SMG1: variants seen among roughly 807,000 people sequenced by gnomAD.
SMG1 encodes serine/threonine-protein kinase SMG1.
Under a neutral mutation model 419.9 loss-of-function variants are expected in SMG1, and 22 were observed. The observed-to-expected ratio is 0.05, with a 90% CI of 0.04 to 0.07. The LOEUF (loss-of-function observed/expected upper bound fraction) is 0.07. Ranked by LOEUF, SMG1 falls within the 10% of genes least tolerant of loss-of-function variation. The pLI, the probability that SMG1 is intolerant of heterozygous loss-of-function variation, is 1.00. For synonymous variants in SMG1, 1,538 were observed against 1,553.5 expected (o/e 0.99, Z 0.23); for missense variants, 3,185 against 4,342.0 (o/e 0.73, Z 7.49).
At chr16:18,816,702 T>C (rs2032032926) in intron 57 of SMG1, among the ~76,000 whole-genome samples, 173 bp from the exon 58 acceptor site, 1 of 152,246 alleles carries the variant, frequency 6.6e-6, no homozygotes, top group South Asian at 2.1e-4. Context: ...CAATAATCTA[T>C]GAAATATAGA....
chr16:18,893,260 C>T (rs1412905457), intron 3 of SMG1, among the ~76,000 whole-genome samples: 2 of 152,164 alleles, frequency 1.3e-5, no homozygotes, highest in Admixed American at 6.5e-5. Context: ...ACTTTTCTCC[C>T]CTTATTTTTT....
At chr16:18,874,624 G>C (rs1458432748) in intron 13 of SMG1, among the ~76,000 whole-genome samples, 1 of 148,404 alleles carries the variant, frequency 6.7e-6, no homozygotes, top group East Asian at 2.0e-4. Flanking sequence ...CCAGCACTTT[G>C]GGAGGCTGAG....
At chr16:18,899,144 C>T (rs1330747909) in intron 1 of SMG1, among the ~76,000 whole-genome samples, 1 of 152,194 alleles carries the variant, frequency 6.6e-6, no homozygotes, top group East Asian at 1.9e-4. Context: ...TGAATATAAT[C>T]AAGACAAGTT....
intron 16 of SMG1, 30 bp from the exon 17 acceptor site, chr16:18,870,918 A>T: frequency 1.9e-6 from 2 of 1,076,368 alleles, no homozygotes; most frequent in East Asian, 5.2e-5. Context: ...AGTTACTTTC[A>T]GCTGGCCAAA....
At chr16:18,810,426 G>A (rs930521566) in intron 62 of SMG1, among the ~76,000 whole-genome samples, 1 of 152,208 alleles carries the variant, frequency 6.6e-6, no homozygotes, top group African/African-American at 2.4e-5. Flanking sequence ...AAAGGCTCAG[G>A]AACTGTTCTA....
Position 18,839,725 on chromosome 16 carries a change from T to A in SMG1, c.6918A>T (p.Thr2306=), listed in dbSNP as rs761478113. The A allele has an allele frequency of 6.2e-7, 1 of 1,613,972 alleles. No homozygotes were observed. Among genetic ancestry groups the A allele is most frequent in the South Asian group, 1.1e-5 (1 of 91,084 alleles). The change falls in exon 42 of 63, where the codon ACA becomes ACT. Residue 2306 remains threonine, a synonymous_variant. Coordinates refer to ENST00000446231, the MANE Select transcript of SMG1 (RefSeq NM_015092.5). ...GCGTAACTCTCCACCATTCATCAGGTGTTGTGCAAGATGACCAGAGCTCTT... is the reference window on the plus strand; with the variant it reads ...GCGTAACTCTCCACCATTCATCAGGAGTTGTGCAAGATGACCAGAGCTCTT... ...LAKELWSSCT[T]PDEWWRVTQS...
chr16:18,878,746 ACCTATAAT>A (rs2036256866), intron 11 of SMG1: 1 of 152,356 alleles, frequency 6.6e-6, no homozygotes, highest in African/African-American at 2.4e-5. Flanking sequence ...AGTGGCTCAT[ACCTATAAT>A]CCCAGTACTT....
chr16:18,865,361 G>A (rs1210307482), intron 23 of SMG1, among the ~76,000 whole-genome samples: 2 of 152,124 alleles, frequency 1.3e-5, no homozygotes, highest in Non-Finnish European at 2.9e-5. Flanking sequence ...ATGAAGGGAA[G>A]GGGGTACTCT....
Position 18,858,244 on chromosome 16 carries a change from T to A in SMG1, c.4160A>T (p.Gln1387Leu). Residue 1387 changes from glutamine (Q) to leucine (L), a missense_variant, in exon 29 of 63, where the codon CAG (glutamine) becomes CTG (leucine). By Grantham distance (113) the Gln-to-Leu change is moderately radical. Transcript: ENST00000446231. ...CTGCATCCATGGCCTCACGTCATGC[T>A]GTTTACATGAACGTAAAGCTTCACT... Reference protein sequence around the residue: ...LFSEALRSCKQHDVRPWMQAL... With the variant: ...LFSEALRSCKLHDVRPWMQAL... The A allele has an allele frequency of 6.2e-7, 1 of 1,610,148 alleles. No individual in the cohort carries two copies. Among genetic ancestry groups the A allele is most frequent in the African/African-American group, 1.3e-5 (1 of 74,876 alleles).
chr16:18,818,673 G>A (rs1368916964), intron 56 of SMG1, among the ~76,000 whole-genome samples: 2 of 152,164 alleles, frequency 1.3e-5, no homozygotes, highest in African/African-American at 2.4e-5. Flanking sequence ...GACTTAAGTT[G>A]ATCATTATTA....
rs2037832455 is a variant in SMG1, at chr16:18,912,484, T to G, written c.92+13466A>C. ...ATTACGTTGTACCCTATGTGTACAA[T>G]TATGATTTTTGAATTAATATTAGAG... On this transcript the variant is annotated intron_variant, in intron 1 of 62. Transcript: ENST00000446231. 2.0e-5 allele frequency among the ~76,000 whole-genome samples: 3 copies of G among 152,086 alleles called. No homozygotes were observed. In the South Asian group the frequency reaches 6.2e-4, roughly 31 times the overall value.
chr16:18,817,614 C>A, intron 56 of SMG1, 144 bp from the exon 57 acceptor site: 1 of 660,174 alleles, frequency 1.5e-6, no homozygotes, highest in Non-Finnish European at 2.5e-6. Context: ...GGGAAATAGA[C>A]CAAAACCTTA....
intron 42 of SMG1, among the ~76,000 whole-genome samples, chr16:18,839,133 A>C (rs1201195060): frequency 1.3e-5 from 2 of 152,138 alleles, no homozygotes; most frequent in Non-Finnish European, 2.9e-5. Flanking sequence ...GATGTGAGCC[A>C]CTGTGCCTGA....
Position 18,882,185 on chromosome 16 carries a change from T to C in SMG1, c.1273A>G (p.Thr425Ala), listed in dbSNP as rs776616231. The C allele has an allele frequency of 2.5e-6, 4 of 1,582,958 alleles. No homozygotes were observed. In the South Asian group the frequency reaches 4.7e-5, roughly 18 times the overall value. The change falls in exon 10 of 63, where the codon ACT becomes GCT. Residue 425 changes from threonine (T) to alanine (A), a missense_variant. Thr to Ala is a moderately conservative substitution (Grantham distance 58, BLOSUM62 0). Transcript: ENST00000446231. ...RFSPIRGPPI[T>A]EAYVTDVLYR... ...CTTACATCTGTTACATATGCCTCAG[T>C]AATTGGAGGACCCCGAATTGGGCTG...
chr16:18,912,618 G>C (rs997782998), intron 1 of SMG1, among the ~76,000 whole-genome samples: 1 of 151,932 alleles, frequency 6.6e-6, no homozygotes, highest in African/African-American at 2.4e-5. Context: ...TAAATAAAAG[G>C]TATCTTTTAC....
intron 1 of SMG1, among the ~76,000 whole-genome samples, chr16:18,915,805 A>G (rs2037949755): frequency 6.6e-6 from 1 of 151,824 alleles, no homozygotes; most frequent in African/African-American, 2.4e-5. Flanking sequence ...GTGGTGGCTC[A>G]CGCCTGTAAT....
At chr16:18,912,066 A>C (rs1460671113) in intron 1 of SMG1, among the ~76,000 whole-genome samples, 2 of 143,724 alleles carry the variant, frequency 1.4e-5, no homozygotes, top group East Asian at 4.1e-4. Flanking sequence ...TGGGCAACAG[A>C]GCAAGATGCC....
At position 18,836,067 on chromosome 16, in the gene SMG1, C is replaced by T. The variant is rs138066718; in HGVS notation, c.7923G>A (p.Leu2641=). The T allele has an allele frequency of 5.2e-4, 830 of 1,605,904 alleles. 2 individuals are homozygous for T. The African/African-American group carries it at 6.3e-3, about 12-fold the overall frequency. Residue 2641 remains leucine, a synonymous_variant, in exon 48 of 63, where the codon CTG becomes CTA. Transcript: ENST00000446231. ...GCAGGGCCACGGTTGCATAGTGATG[C>T]AGTTGCTCCAGACAGCCACGGAGCA... ...RSVLRGCLEQ[L]HHYATVALQY...
chr16:18,903,154 G>C (rs2037414100), intron 1 of SMG1, among the ~76,000 whole-genome samples: 2 of 152,114 alleles, frequency 1.3e-5, no homozygotes, highest in African/African-American at 4.8e-5. Context: ...AACATTTCTA[G>C]CAAACATGAT....
Sources: gnomAD v4.1 joint callset for allele counts (sites outside exome capture counted in the v4.1 genomes callset) on GRCh38, gnomAD v4.1.1 for gene constraint, MANE v1.5 for transcripts, NCBI Gene and HGNC (gene_info 2026-07-23, HGNC 2026-07-21) for gene names.